Variants in RIMS2 observed in about 807,000 individuals in gnomAD.
RIMS2 encodes regulating synaptic membrane exocytosis protein 2.
Under a neutral mutation model 174.4 loss-of-function variants are expected in RIMS2, and 59 were observed. The observed-to-expected ratio is 0.34, with a 90% confidence interval of 0.27 to 0.42. The LOEUF (loss-of-function observed/expected upper bound fraction) is 0.42. Among genes scored for constraint, RIMS2 ranks in the 10% least tolerant of loss-of-function variants. The pLI is 1.00. For missense variants in RIMS2, 1,620 were observed against 1,666.3 expected, an observed-to-expected ratio of 0.97 and a Z score of 0.48; for synonymous variants, 606 against 572.5, an observed-to-expected ratio of 1.06 and a Z score of -0.84.
chr8:103,629,194 C>T (rs2095855554), intron 1 of RIMS2, among the ~76,000 whole-genome samples: 1 of 152,164 alleles, frequency 6.6e-6, no homozygotes, highest in African/African-American at 2.4e-5. Context: ...CCTCCATCCC[C>T]ATGATGCAAT....
At chr8:103,956,107 A>G (rs1248686680) in intron 14 of RIMS2, among the ~76,000 whole-genome samples, 1 of 152,232 alleles carries the variant, frequency 6.6e-6, no homozygotes, top group Non-Finnish European at 1.5e-5. Context: ...AAGAGAGGAC[A>G]CAAACAAATG....
chr8:103,516,613 C>A (rs1829100275), intron 1 of RIMS2, among the ~76,000 whole-genome samples: 1 of 151,954 alleles, frequency 6.6e-6, no homozygotes. Flanking sequence ...TAATTTATAT[C>A]CTATGTGGGA....
rs138876705 is a variant in RIMS2, at chr8:103,647,372, T to A, written c.177-49714T>A. 4.7e-5 allele frequency among the ~76,000 whole-genome samples: 7 copies of A among 150,316 alleles called. No individual in the cohort carries two copies. In the East Asian group the frequency reaches 1.3e-3, roughly 29 times the overall value. On this transcript the variant is annotated intron_variant, in intron 1 of 23. Coordinates refer to ENST00000504942, the Ensembl canonical transcript of RIMS2. ...TTGCATTGATGTTCATCAAGGACAT[T>A]GGCCTGAGGTTTTTTGTGTTGTTGT...
At chr8:103,819,634 G>T in intron 3 of RIMS2, 2 of 1,595,384 alleles carry the variant, frequency 1.3e-6, no homozygotes, top group Non-Finnish European at 1.7e-6. Flanking sequence ...TGCAAGGTGA[G>T]TAGAGCCAAA....
intron 14 of RIMS2, among the ~76,000 whole-genome samples, chr8:103,949,812 A>C (rs1196986298): frequency 6.6e-6 from 1 of 152,176 alleles, no homozygotes; most frequent in African/African-American, 2.4e-5. Context: ...AAATAAAGAC[A>C]GAAAGTCAAT....
intron 1 of RIMS2, among the ~76,000 whole-genome samples, chr8:103,504,240 A>G (rs1822155883): frequency 6.6e-6 from 1 of 152,038 alleles, no homozygotes; most frequent in Non-Finnish European, 1.5e-5. Flanking sequence ...AAGATTGTAA[A>G]CTTCTTGAGG....
intron 4 of RIMS2, among the ~76,000 whole-genome samples, chr8:103,898,468 G>A (rs575819743): frequency 6.6e-6 from 1 of 151,744 alleles, no homozygotes; most frequent in East Asian, 1.9e-4. Flanking sequence ...ATTTAGGGAA[G>A]ATGCAACATC....
At chr8:104,121,714 C>T (rs576869373) in intron 19 of RIMS2, among the ~76,000 whole-genome samples, 1 of 152,248 alleles carries the variant, frequency 6.6e-6, no homozygotes, top group Admixed American at 6.5e-5. Context: ...GTAATCCCAG[C>T]ACTTTGGGAG....
intron 4 of RIMS2, among the ~76,000 whole-genome samples, chr8:103,908,952 T>C (rs942030060): frequency 1.3e-5 from 2 of 152,234 alleles, no homozygotes; most frequent in Non-Finnish European, 2.9e-5. Flanking sequence ...TTTCATTTAA[T>C]ACTATATTCT....
intron 1 of RIMS2, among the ~76,000 whole-genome samples, chr8:103,609,717 T>C (rs1248810582): frequency 2.6e-5 from 4 of 152,246 alleles, no homozygotes; most frequent in Admixed American, 2.0e-4. Flanking sequence ...AACCGTTCCA[T>C]GCTGTTTGAT....
chr8:104,077,022 G>A (rs1007937274), intron 19 of RIMS2, among the ~76,000 whole-genome samples: 5 of 151,592 alleles, frequency 3.3e-5, no homozygotes, highest in Admixed American at 6.6e-5. Context: ...GTTTCACCAC[G>A]TTGGCCAGGC....
intron 10 of RIMS2, among the ~76,000 whole-genome samples, chr8:103,922,333 C>T (rs545818854): frequency 1.1e-4 from 16 of 151,922 alleles, no homozygotes; most frequent in African/African-American, 3.6e-4. Flanking sequence ...GATAACTTTG[C>T]ACATTAAGTG....
At chr8:103,994,113 C>G (rs1325966301) in intron 17 of RIMS2, among the ~76,000 whole-genome samples, 1 of 150,236 alleles carries the variant, frequency 6.7e-6, no homozygotes, top group East Asian at 1.9e-4. Context: ...TTTTTGGAAG[C>G]TATAGTTTTA....
At chr8:103,681,207 C>T (rs1325215153) in intron 1 of RIMS2, among the ~76,000 whole-genome samples, 1 of 151,996 alleles carries the variant, frequency 6.6e-6, no homozygotes, top group African/African-American at 2.4e-5. Context: ...AGCTGTTTGA[C>T]TATGAGCCAC....
At chr8:103,790,775 C>T (rs1372797831) in intron 3 of RIMS2, among the ~76,000 whole-genome samples, 1 of 152,122 alleles carries the variant, frequency 6.6e-6, no homozygotes, top group Non-Finnish European at 1.5e-5. Context: ...GCCCTTTCTT[C>T]TTCACTAAGA....
chr8:103,918,088 C>T (rs2076948811), intron 8 of RIMS2, among the ~76,000 whole-genome samples: 1 of 151,950 alleles, frequency 6.6e-6, no homozygotes, highest in Non-Finnish European at 1.5e-5. Context: ...CAGGTAAAAC[C>T]AAAGAGCAGA....
chr8:103,573,432 G>C (rs2092983654), intron 1 of RIMS2, among the ~76,000 whole-genome samples: 1 of 152,078 alleles, frequency 6.6e-6, no homozygotes, highest in Non-Finnish European at 1.5e-5. Context: ...TCATTATTCT[G>C]CATATTGCTA....
chr8:103,878,645 G>C (rs934934891), intron 3 of RIMS2, among the ~76,000 whole-genome samples: 2 of 150,884 alleles, frequency 1.3e-5, no homozygotes, highest in Non-Finnish European at 3.0e-5. Flanking sequence ...ATTGGTACCA[G>C]ATCTTCTTTG....
intron 1 of RIMS2, among the ~76,000 whole-genome samples, chr8:103,655,340 G>A (rs1272523987): frequency 6.6e-6 from 1 of 151,958 alleles, no homozygotes; most frequent in East Asian, 1.9e-4. Context: ...TAGGTTTTAT[G>A]TAAGGTATAA....
Sources: gnomAD v4.1 joint callset for allele counts (sites outside exome capture counted in the v4.1 genomes callset) on GRCh38, gnomAD v4.1.1 for gene constraint, MANE v1.5 for transcripts, NCBI Gene and HGNC (gene_info 2026-07-23, HGNC 2026-07-21) for gene names.